PDSS2: variants seen among roughly 807,000 people sequenced by gnomAD.
PDSS2 encodes all trans-polyprenyl-diphosphate synthase PDSS2.
A neutral mutation model predicts 44.5 loss-of-function variants in PDSS2; 31 were observed. The ratio of observed to expected loss-of-function variants is 0.70; its 90% CI spans 0.52 to 0.94. PDSS2 has a LOEUF of 0.94. Among genes scored for constraint, PDSS2 ranks in the 40% least tolerant of loss-of-function variants. The pLI, the probability that PDSS2 is intolerant of heterozygous loss-of-function variation, is 0.00. For missense variants in PDSS2, 452 were observed against 482.2 expected (o/e 0.94, Z 0.59); for synonymous variants, 157 against 180.3 (o/e 0.87, Z 1.03).
chr6:107,446,450 A>G (rs1035196150), intron 1 of PDSS2, among the ~76,000 whole-genome samples: 2 of 152,248 alleles, frequency 1.3e-5, no homozygotes, highest in Admixed American at 1.3e-4. Flanking sequence ...ATTGATATTG[A>G]TAGATTGTTA....
intron 7 of PDSS2, among the ~76,000 whole-genome samples, chr6:107,155,921 G>C (rs528319172): frequency 1.0e-5 from 1 of 100,500 alleles, no homozygotes; most frequent in Non-Finnish European, 1.8e-5. Flanking sequence ...ACAAAGTTTC[G>C]CTCTGTCATC....
rs139230401 is a variant in PDSS2 at position 107,324,054 on chromosome 6, G to A, written c.431+10144C>T. Reference sequence around the variant, plus strand: ...CTCTGGTGAAGTAATGACTTCTGACGTACAGTATGTTAAACATAAAGAGCC... The same window carrying A: ...CTCTGGTGAAGTAATGACTTCTGACATACAGTATGTTAAACATAAAGAGCC... On this transcript the variant is annotated intron_variant, in intron 2 of 7. Coordinates refer to ENST00000369037, the MANE Select transcript of PDSS2 (RefSeq NM_020381.4). Among the ~76,000 whole-genome samples, 36 of 152,160 alleles carry A rather than the reference G, an allele frequency of 2.4e-4. No homozygotes were observed. The South Asian group carries it at 2.7e-3, about 11-fold the overall frequency.
intron 5 of PDSS2, among the ~76,000 whole-genome samples, chr6:107,211,010 AT>A (rs1317114812): frequency 2.7e-5 from 4 of 149,690 alleles, no homozygotes; most frequent in Non-Finnish European, 6.0e-5. Context: ...AAAAAAAAAA[AT>A]TTCAGATGAT....
chr6:107,307,374 A>G (rs954189624), intron 2 of PDSS2, among the ~76,000 whole-genome samples: 1 of 152,208 alleles, frequency 6.6e-6, no homozygotes, highest in African/African-American at 2.4e-5. Context: ...TCACAAAGGG[A>G]TAGAACTACG....
intron 3 of PDSS2, among the ~76,000 whole-genome samples, chr6:107,267,846 A>G (rs1775462185): frequency 6.6e-6 from 1 of 151,572 alleles, no homozygotes; most frequent in Admixed American, 6.6e-5. Flanking sequence ...TCCCACCTCC[A>G]TCTCCCAAAG....
chr6:107,301,491 C>T (rs192930266), intron 2 of PDSS2, among the ~76,000 whole-genome samples: 4 of 152,246 alleles, frequency 2.6e-5, no homozygotes, highest in African/African-American at 9.6e-5. Context: ...TACTTTCAGA[C>T]ACCTACTGTA....
At chr6:107,275,708 G>A (rs1775756940) in intron 2 of PDSS2, among the ~76,000 whole-genome samples, 1 of 152,164 alleles carries the variant, frequency 6.6e-6, no homozygotes, top group Admixed American at 6.6e-5. Context: ...TAAGTGGAGT[G>A]TTTGCTTTGA....
rs1562389540 is a variant in PDSS2 at position 107,225,165 on chromosome 6, T to TATATA, written c.703-12884_703-12883insTATAT. 4.5e-4 allele frequency among the ~76,000 whole-genome samples: 18 copies of TATATA among 39,736 alleles called. 1 individual carries two copies. The highest frequency in any genetic ancestry group is 1.7e-3 in the African/African-American group (13 of 7,526). The allele number at this position is 39,736 out of a possible 152,430, so 26.1% of individuals were successfully genotyped here. A position where few individuals can be genotyped will look rare whatever the true frequency, so the allele number is the denominator to read the frequency against. ...TATATATATATATATATATATATTTTTTTTTTTTTTTTTTTTTTTTTTTTG... is the reference window on the plus strand; with the variant it reads ...TATATATATATATATATATATATTTTATATATTTTTTTTTTTTTTTTTTTTTTTTG... On this transcript the variant is annotated intron_variant, in intron 4 of 7. Transcript: ENST00000369037.
intron 1 of PDSS2, among the ~76,000 whole-genome samples, chr6:107,364,028 G>C (rs1443785906): frequency 6.6e-6 from 1 of 152,186 alleles, no homozygotes; most frequent in South Asian, 2.1e-4. Flanking sequence ...GGTTCTCCAC[G>C]TCCTCACCAG....
chr6:107,407,367 T>G (rs2114630871), intron 1 of PDSS2, among the ~76,000 whole-genome samples: 1 of 152,272 alleles, frequency 6.6e-6, no homozygotes, highest in East Asian at 1.9e-4. Flanking sequence ...TGGTGATAGT[T>G]GCAAAACAAT....
chr6:107,229,165 A>G (rs1773945084), intron 4 of PDSS2, among the ~76,000 whole-genome samples: 1 of 152,130 alleles, frequency 6.6e-6, no homozygotes, highest in South Asian at 2.1e-4. Context: ...CAAGGAAAAA[A>G]AATACATTTT....
At chr6:107,373,790 CTG>C (rs1779197772) in intron 1 of PDSS2, among the ~76,000 whole-genome samples, 1 of 152,164 alleles carries the variant, frequency 6.6e-6, no homozygotes, top group Non-Finnish European at 1.5e-5. Flanking sequence ...GTCAAATCTC[CTG>C]CTTTTTCTCA....
intron 3 of PDSS2, among the ~76,000 whole-genome samples, chr6:107,272,068 A>AT (rs1341916510): frequency 7.8e-5 from 11 of 140,916 alleles, no homozygotes; most frequent in Admixed American, 5.0e-4. Context: ...AAAAAGAAAC[A>AT]TTAAAAAAAA....
intron 7 of PDSS2, among the ~76,000 whole-genome samples, chr6:107,184,742 A>G (rs1003276603): frequency 1.3e-5 from 2 of 152,198 alleles, no homozygotes; most frequent in African/African-American, 4.8e-5. Flanking sequence ...AAATTCTAGC[A>G]GGGAGGATGA....
In PDSS2 at chr6:107,452,191, CT is replaced by C. The variant is rs942944467; in HGVS notation, c.296+6798del. ...TTACAGGCATGCACCACCGCACAAG[CT>C]TTTTCCCCTATTTTCTAATTGTATT... On this transcript the variant is annotated intron_variant, in intron 1 of 7. Coordinates refer to ENST00000369037, the MANE Select transcript of PDSS2 (RefSeq NM_020381.4). Among the ~76,000 whole-genome samples, 46 of 150,430 alleles carry C rather than the reference CT, an allele frequency of 3.1e-4. 1 individual carries two copies. Among genetic ancestry groups the C allele is most frequent in the African/African-American group, 1.1e-3 (43 of 40,816 alleles).
At chr6:107,434,194 G>GC (rs1173886305) in intron 1 of PDSS2, among the ~76,000 whole-genome samples, 1 of 152,158 alleles carries the variant, frequency 6.6e-6, no homozygotes, top group Admixed American at 6.5e-5. Context: ...AAAACAGTAC[G>GC]CAAGTTCCTC....
rs375810858 is a variant in PDSS2, at chr6:107,444,543, A to G, written c.296+14447T>C. Among the ~76,000 whole-genome samples the G allele has an allele frequency of 7.9e-5, 12 of 152,320 alleles. No homozygotes were observed. In the East Asian group the frequency reaches 2.1e-3, roughly 27 times the overall value. On this transcript the variant is annotated intron_variant, in intron 1 of 7. Coordinates refer to ENST00000369037, the MANE Select transcript of PDSS2 (RefSeq NM_020381.4). ...TATTCTTGTTTGTACATCCATGCCCAGAGCACCTCAAATATTTGTGGAATG... is the reference window on the plus strand; with the variant it reads ...TATTCTTGTTTGTACATCCATGCCCGGAGCACCTCAAATATTTGTGGAATG...
chr6:107,305,173 A>G (rs975249988), intron 2 of PDSS2, among the ~76,000 whole-genome samples: 7 of 152,020 alleles, frequency 4.6e-5, no homozygotes, highest in Non-Finnish European at 1.0e-4. Flanking sequence ...ATCAGCAAAT[A>G]CTTTTTTTTT....
intron 1 of PDSS2, among the ~76,000 whole-genome samples, chr6:107,349,340 G>T (rs916327997): frequency 1.1e-4 from 17 of 152,154 alleles, no homozygotes; most frequent in Admixed American, 5.2e-4. Context: ...GGCTGAGGCA[G>T]GAGAATGGCG....
Sources: gnomAD v4.1 joint callset for allele counts (sites outside exome capture counted in the v4.1 genomes callset) on GRCh38, gnomAD v4.1.1 for gene constraint, MANE v1.5 for transcripts, NCBI Gene and HGNC (gene_info 2026-07-23, HGNC 2026-07-21) for gene names.